STOX2: variants seen among roughly 807,000 people sequenced by gnomAD.
STOX2 encodes storkhead-box protein 2.
STOX2 carries 28 observed loss-of-function variants against 60.9 expected under a neutral mutation model. The observed-to-expected ratio is 0.46, with a 90% CI of 0.34 to 0.63. The LOEUF is 0.63. Among genes scored for constraint, STOX2 ranks in the 30% least tolerant of loss-of-function variants. STOX2 has a pLI of 0.01. For synonymous variants in STOX2, 472 were observed against 463.9 expected, an observed-to-expected ratio of 1.02 and a Z score of -0.22; for missense variants, 1,024 against 1,187.7, an observed-to-expected ratio of 0.86 and a Z score of 2.03.
chr4:183,857,051 C>G (rs1256936537), intron 1 of STOX2, among the ~76,000 whole-genome samples: 1 of 152,146 alleles, frequency 6.6e-6, no homozygotes, highest in Non-Finnish European at 1.5e-5. Context: ...GCCTTCCTCT[C>G]CCTTCTCTAG....
chr4:184,009,204 G>A lies in STOX2; in HGVS notation c.366G>A (p.Thr122=), dbSNP rs750568684. The A allele has an allele frequency of 4.4e-6, 6 of 1,373,840 alleles. No homozygotes were observed. The highest frequency in any genetic ancestry group is 1.5e-5 in the African/African-American group (1 of 65,460). 85.1% of individuals were successfully genotyped at this position (1,373,840 alleles called of 1,614,324 possible). The change falls in exon 3 of 4, where the codon ACG becomes ACA. Residue 122 remains threonine (T), a synonymous_variant. Transcript: ENST00000308497. This position sits in a 1 kb window ranked among gnomAD's most constrained non-coding sequence, Gnocchi z 4.0. ...SQEILRHTLN[T]LVRERKIYPT... is the part of the protein sequence containing the mutation. ...AAATTCTGCGGCACACGCTGAACAC[G>A]CTGGTACGGGAGAGGAAGATCTACC...
chr4:183,838,427 G>A (rs1235895080), intron 1 of STOX2, among the ~76,000 whole-genome samples: 1 of 151,798 alleles, frequency 6.6e-6, no homozygotes, highest in Non-Finnish European at 1.5e-5. Flanking sequence ...TTATGGGTGT[G>A]TCTTGATTTA....
Position 183,861,308 on chromosome 4 carries a change from T to TGG in STOX2, c.364+63259_364+63260dup, listed in dbSNP as rs10709509. ...GTGGGAGTGGACTGTCCCGTTACCT[T>TGG]GGGGGGGTCCTCACCCTGCTGCAGT... On this transcript the variant is annotated intron_variant, in intron 1 of 2. Transcript: ENST00000513034. Among the ~76,000 whole-genome samples, 237 of 151,948 alleles carry TGG rather than the reference T, an allele frequency of 1.6e-3. 2 individuals carry two copies. Among genetic ancestry groups the TGG allele is most frequent in the African/African-American group, 4.7e-3 (196 of 41,388 alleles).
chr4:183,960,938 G>T (rs1223265411), intron 1 of STOX2, among the ~76,000 whole-genome samples: 1 of 152,176 alleles, frequency 6.6e-6, no homozygotes, highest in African/African-American at 2.4e-5. Context: ...AAATGTTTAT[G>T]GTGGTTTGTG....
chr4:183,911,027 C>A (rs954717469), intron 1 of STOX2, among the ~76,000 whole-genome samples: 1 of 152,130 alleles, frequency 6.6e-6, no homozygotes, highest in East Asian at 1.9e-4. Flanking sequence ...GTGTCCCTGG[C>A]GAGTAATATG....
chr4:183,994,214 C>G (rs1388519785), intron 1 of STOX2, among the ~76,000 whole-genome samples: 1 of 152,094 alleles, frequency 6.6e-6, no homozygotes, highest in Non-Finnish European at 1.5e-5. Context: ...GTCCCCATGC[C>G]CATAGTGCAT....
intron 1 of STOX2, among the ~76,000 whole-genome samples, chr4:183,982,581 C>T (rs1263252264): frequency 6.6e-6 from 1 of 152,070 alleles, no homozygotes; most frequent in Non-Finnish European, 1.5e-5. Flanking sequence ...TCTCCTCTTC[C>T]CTTTATTTCT....
intron 1 of STOX2, among the ~76,000 whole-genome samples, chr4:183,917,749 T>C (rs1741974115): frequency 6.6e-6 from 1 of 152,124 alleles, no homozygotes; most frequent in African/African-American, 2.4e-5. Flanking sequence ...TTTGTGAGAG[T>C]GGCTTCTGTC....
intron 1 of STOX2, among the ~76,000 whole-genome samples, chr4:183,864,393 CTATT>C (rs1579349745): frequency 6.6e-6 from 1 of 152,082 alleles, no homozygotes; most frequent in South Asian, 2.1e-4. Flanking sequence ...TATAAATGGA[CTATT>C]TATTTATTTA....
At chr4:183,861,814 A>C (rs946515060) in intron 1 of STOX2, among the ~76,000 whole-genome samples, 35 of 152,202 alleles carry the variant, frequency 2.3e-4, no homozygotes, top group Admixed American at 2.3e-3. Flanking sequence ...TATACCAACA[A>C]CTATTTTAGT....
At chr4:183,944,583 G>A (rs1023257715) in intron 1 of STOX2, among the ~76,000 whole-genome samples, 1 of 152,082 alleles carries the variant, frequency 6.6e-6, no homozygotes, top group African/African-American at 2.4e-5. Flanking sequence ...GCGTGGTGGC[G>A]CATGCCTGTA....
chr4:183,812,976 T>C (rs1458446243), intron 1 of STOX2, among the ~76,000 whole-genome samples: 1 of 152,224 alleles, frequency 6.6e-6, no homozygotes, highest in Non-Finnish European at 1.5e-5. Context: ...ATTTATGTGA[T>C]CAATTATTTA....
At chr4:183,947,231 T>C (rs1171669240) in intron 1 of STOX2, among the ~76,000 whole-genome samples, 1 of 152,238 alleles carries the variant, frequency 6.6e-6, no homozygotes, top group Non-Finnish European at 1.5e-5. Flanking sequence ...GCTCTGTGAG[T>C]AGTCATTATA....
At chr4:183,807,028 A>G (rs558833228) in intron 1 of STOX2, among the ~76,000 whole-genome samples, 28 of 151,816 alleles carry the variant, frequency 1.8e-4, no homozygotes, top group South Asian at 4.1e-4. Flanking sequence ...GCTGGAGTGC[A>G]GTGGCGCGAT....
At chr4:183,801,687 G>A (rs571510310) in intron 1 of STOX2, among the ~76,000 whole-genome samples, 1 of 152,322 alleles carries the variant, frequency 6.6e-6, no homozygotes, top group Non-Finnish European at 1.5e-5. Context: ...GGAGGTGCCC[G>A]GAGCTTGAGT....
chr4:183,949,946 A>G (rs1037758440), intron 1 of STOX2, among the ~76,000 whole-genome samples: 14 of 152,104 alleles, frequency 9.2e-5, no homozygotes, highest in African/African-American at 3.1e-4. Context: ...CTTTTCTCAC[A>G]ATGTCCCCCT....
At chr4:183,858,138 T>C (rs1056428965) in intron 1 of STOX2, among the ~76,000 whole-genome samples, 1 of 152,170 alleles carries the variant, frequency 6.6e-6, no homozygotes, top group Non-Finnish European at 1.5e-5. Context: ...GGGGGCACCA[T>C]GCCTGACCTC....
chr4:183,883,325 T>TG (rs1194605338), intron 1 of STOX2, among the ~76,000 whole-genome samples: 1 of 151,354 alleles, frequency 6.6e-6, no homozygotes, highest in Non-Finnish European at 1.5e-5. Flanking sequence ...GTTATAAATT[T>TG]TTTTTTTTTT....
intron 1 of STOX2, among the ~76,000 whole-genome samples, chr4:183,955,212 G>T (rs1210427650): frequency 6.6e-6 from 1 of 152,130 alleles, no homozygotes; most frequent in Non-Finnish European, 1.5e-5. Flanking sequence ...GCATGTACAA[G>T]AACTTACAGA....
Sources: allele counts gnomAD v4.1 joint callset (sites outside exome capture counted in the v4.1 genomes callset), GRCh38; gene constraint gnomAD v4.1.1; non-coding constraint Gnocchi (gnomAD v3.1); transcripts MANE v1.5; gene names NCBI Gene and HGNC (gene_info 2026-07-23, HGNC 2026-07-21).